CLVS2: variants seen among roughly 807,000 people sequenced by gnomAD.
The protein encoded by CLVS2 is clavesin-2.
Under a neutral mutation model 29.0 loss-of-function variants are expected in CLVS2, and 19 were observed. That is an observed-to-expected ratio of 0.66 (90% CI 0.46 to 0.96). The LOEUF (loss-of-function observed/expected upper bound fraction) is 0.96. CLVS2 is among the 40% of genes least tolerant of loss of function. The pLI, the probability that CLVS2 is intolerant of heterozygous loss-of-function variation, is 0.00. For synonymous variants in CLVS2, 161 were observed against 151.3 expected (o/e 1.06, Z -0.47); for missense variants, 294 against 404.1 (o/e 0.73, Z 2.34).
intron 3 of CLVS2, among the ~76,000 whole-genome samples, chr6:123,042,229 C>G (rs949133920): frequency 1.3e-5 from 2 of 152,188 alleles, no homozygotes; most frequent in African/African-American, 4.8e-5. Flanking sequence ...TCTCCTGTAA[C>G]AGGAATTGAC....
rs1582642146 is a variant in CLVS2, at chr6:123,004,164, G to T, written c.389+5998G>T. 2.0e-5 allele frequency among the ~76,000 whole-genome samples: 3 copies of T among 152,298 alleles called. No homozygotes were observed. The East Asian group carries it at 5.8e-4, about 29-fold the overall frequency. The stretch of plus-strand genomic sequence containing the variant: ...AAAGACTTTAGTTAACTAGATGTTT[G>T]CTTAGAGTACTTGGCCCTGATAAAA... On this transcript the variant is annotated intron_variant, in intron 2 of 5. Transcript: ENST00000275162.
chr6:123,001,753 G>T (rs990889637), intron 2 of CLVS2, among the ~76,000 whole-genome samples: 1 of 152,264 alleles, frequency 6.6e-6, no homozygotes, highest in East Asian at 1.9e-4. Context: ...ATAATGTGCC[G>T]TAAAGCTAGC....
intron 3 of CLVS2, among the ~76,000 whole-genome samples, chr6:123,024,905 A>G (rs147900379): frequency 4.8e-4 from 73 of 152,192 alleles, no homozygotes; most frequent in African/African-American, 1.7e-3. Context: ...TGGGAAGACA[A>G]TAAAGGTATT....
intron 2 of CLVS2, 59 bp downstream of exon 2, chr6:122,998,225 C>G: frequency 6.6e-7 from 1 of 1,523,106 alleles, no homozygotes; most frequent in East Asian, 2.3e-5. Flanking sequence ...CAGAATTTAC[C>G]CCGAGTAGTG....
At chr6:123,060,340 C>A (rs1189213921) in intron 5 of CLVS2, among the ~76,000 whole-genome samples, 2 of 152,156 alleles carry the variant, frequency 1.3e-5, no homozygotes, top group East Asian at 1.9e-4. Context: ...TTACCTTATG[C>A]CGCCAATGCC....
chr6:123,001,645 G>T (rs780866539), intron 2 of CLVS2, among the ~76,000 whole-genome samples: 3 of 152,186 alleles, frequency 2.0e-5, no homozygotes, highest in African/African-American at 7.2e-5. Flanking sequence ...CGTCCTCCAT[G>T]TATTGCATAT....
intron 2 of CLVS2, among the ~76,000 whole-genome samples, chr6:123,010,448 T>A (rs1774731866): frequency 6.6e-6 from 1 of 152,072 alleles, no homozygotes; most frequent in African/African-American, 2.4e-5. Flanking sequence ...CTTTTCCCAC[T>A]TTTATTTATA....
At position 122,996,410 on chromosome 6, in the gene CLVS2, C is replaced by T. The variant is rs1774505509; in HGVS notation, c.-896C>T. 6.5e-6 allele frequency: 1 copy of T among 152,700 alleles called. No homozygotes were observed. Among genetic ancestry groups the T allele is most frequent in the African/African-American group, 2.4e-5 (1 of 41,452 alleles). 9.5% of individuals were successfully genotyped at this position (152,700 alleles called of 1,614,324 possible). A position where few individuals can be genotyped will look rare whatever the true frequency, so the allele number is the denominator to read the frequency against. On this transcript the variant is annotated 5_prime_UTR_variant, in exon 1 of 6. Transcript: ENST00000275162. ...CAAAGGCGGTGGCCGCCCGAGTGGC[C>T]TTCTCCATCCAGGCGTTCGCGTCCT... is the stretch of plus-strand genomic sequence containing the variant.
rs553263144 is a variant in CLVS2, at chr6:123,050,139, T to C, written c.675+1407T>C. ...TTAGGAGGAAGAATTCTATAAACAA[T>C]TATAATTTATAGTAGAAATTGTTTC... On this transcript the variant is annotated intron_variant, in intron 4 of 5. Transcript: ENST00000275162. 2.0e-5 allele frequency among the ~76,000 whole-genome samples: 3 copies of C among 152,306 alleles called. No homozygotes were observed. The East Asian group carries it at 5.8e-4, about 29-fold the overall frequency.
chr6:123,053,391 A>T (rs1283283060), intron 4 of CLVS2, among the ~76,000 whole-genome samples: 1 of 152,136 alleles, frequency 6.6e-6, no homozygotes, highest in Non-Finnish European at 1.5e-5. Context: ...CAATCAGCAA[A>T]AGAGACTGCC....
At chr6:123,027,576 A>G (rs967796174) in intron 3 of CLVS2, among the ~76,000 whole-genome samples, 3 of 152,124 alleles carry the variant, frequency 2.0e-5, no homozygotes, top group African/African-American at 7.2e-5. Flanking sequence ...TCTCCTGTGC[A>G]TGGTGATTAC....
At chr6:123,048,767 C>A in intron 4 of CLVS2, 35 bp downstream of exon 4, 2 of 1,259,520 alleles carry the variant, frequency 1.6e-6, no homozygotes, top group South Asian at 1.2e-5. Flanking sequence ...CCTTTCTCTT[C>A]CGCCATCCAA....
chr6:123,033,040 T>A (rs1294984219), intron 3 of CLVS2, among the ~76,000 whole-genome samples: 1 of 152,218 alleles, frequency 6.6e-6, no homozygotes, highest in Middle Eastern at 3.4e-3. Flanking sequence ...TTAGATAATG[T>A]ATCTTTGACT....
intron 3 of CLVS2, among the ~76,000 whole-genome samples, chr6:123,046,104 T>G (rs1189461745): frequency 6.6e-6 from 1 of 152,132 alleles, no homozygotes; most frequent in Non-Finnish European, 1.5e-5. Context: ...AGGGCTACGT[T>G]CTTGTTTTGG....
intron 4 of CLVS2, among the ~76,000 whole-genome samples, chr6:123,049,932 A>G (rs1175006992): frequency 6.6e-6 from 1 of 152,154 alleles, no homozygotes; most frequent in Non-Finnish European, 1.5e-5. Flanking sequence ...ATGTACCCTA[A>G]AACTTAAAGT....
At chr6:123,018,197 A>G (rs1423309328) in intron 3 of CLVS2, among the ~76,000 whole-genome samples, 1 of 152,096 alleles carries the variant, frequency 6.6e-6, no homozygotes, top group Non-Finnish European at 1.5e-5. Flanking sequence ...CTATGTTTAG[A>G]CATGTCCTGA....
rs534846145 is a variant in CLVS2 at position 123,041,356 on chromosome 6, G to A, written c.565-7266G>A. On this transcript the variant is annotated intron_variant, in intron 3 of 5. Transcript: ENST00000275162. ...CCTGTTCTCCCTACAGTAAATGCCCGCCCACAGTTTAAAGAACACAATTTT... is the reference window on the plus strand; with the variant it reads ...CCTGTTCTCCCTACAGTAAATGCCCACCCACAGTTTAAAGAACACAATTTT... Among the ~76,000 whole-genome samples the A allele has an allele frequency of 9.9e-5, 15 of 151,902 alleles. No individual in the cohort carries two copies. In the South Asian group the frequency reaches 2.7e-3, roughly 28 times the overall value.
At position 123,072,700 on chromosome 6, in the gene CLVS2, AT is replaced by A. The variant is rs976211155; in HGVS notation, c.*8945del. On this transcript the variant is annotated 3_prime_UTR_variant, in exon 6 of 6. Transcript: ENST00000275162. Reference sequence around the variant, plus strand: ...TCTTAGGTTGAATTTTCTTTTCATAATTTTTTATGATTGAATTCTAAGGGTA... The same window carrying A: ...TCTTAGGTTGAATTTTCTTTTCATAATTTTTATGATTGAATTCTAAGGGTA... The A allele has an allele frequency of 5.9e-5, 9 of 152,152 alleles. No individual in the cohort carries two copies. Among genetic ancestry groups the A allele is most frequent in the African/African-American group, 2.2e-4 (9 of 41,534 alleles). The allele number at this position is 152,152 out of a possible 1,614,324, so 9.4% of individuals were successfully genotyped here. A position where few individuals can be genotyped will look rare whatever the true frequency, so the allele number is the denominator to read the frequency against.
chr6:123,052,816 C>T (rs925408273), intron 4 of CLVS2, among the ~76,000 whole-genome samples: 1 of 150,290 alleles, frequency 6.7e-6, no homozygotes, highest in Admixed American at 6.6e-5. Context: ...ATTTTGAACA[C>T]GTTAAATTTG....
Sources: gnomAD v4.1 joint callset for allele counts (sites outside exome capture counted in the v4.1 genomes callset) on GRCh38, gnomAD v4.1.1 for gene constraint, MANE v1.5 for transcripts, NCBI Gene and HGNC (gene_info 2026-07-23, HGNC 2026-07-21) for gene names.